PDZRN3: variants seen among roughly 807,000 people sequenced by gnomAD.
PDZRN3 encodes PDZ domain containing ring finger 3.
PDZRN3 carries 38 observed loss-of-function variants against 85.7 expected under a neutral mutation model. That is an observed-to-expected ratio of 0.44 (90% confidence interval 0.34 to 0.58). PDZRN3 has a LOEUF of 0.58. Ranked by LOEUF, PDZRN3 falls within the 20% of genes least tolerant of loss-of-function variation. PDZRN3 has a pLI of 0.01. For synonymous variants in PDZRN3, 759 were observed against 638.0 expected, an observed-to-expected ratio of 1.19 and a Z score of -2.86; for missense variants, 1,629 against 1,506.4, an observed-to-expected ratio of 1.08 and a Z score of -1.35.
At chr3:73,406,231 C>T (rs1701852444) in intron 3 of PDZRN3, among the ~76,000 whole-genome samples, 2 of 152,212 alleles carry the variant, frequency 1.3e-5, no homozygotes, top group South Asian at 4.1e-4. Context: ...TGCCATGTTT[C>T]TCCCTTTGAG....
At chr3:73,484,278 G>A (rs1168042951) in intron 3 of PDZRN3, among the ~76,000 whole-genome samples, 1 of 152,298 alleles carries the variant, frequency 6.6e-6, no homozygotes, top group Admixed American at 6.5e-5. Flanking sequence ...TAGGTTTGAG[G>A]TATATTGACA....
At chr3:73,464,140 C>T (rs983199173) in intron 3 of PDZRN3, among the ~76,000 whole-genome samples, 12 of 152,136 alleles carry the variant, frequency 7.9e-5, no homozygotes, top group African/African-American at 2.9e-4. Context: ...CGCACATCAC[C>T]ACACCCAGCT....
chr3:73,599,498 T>C (rs79817111), intron 3 of PDZRN3, among the ~76,000 whole-genome samples: 3,037 of 152,280 alleles, frequency 0.02, 114 homozygotes, highest in African/African-American at 0.07. Context: ...TGGAGATGGA[T>C]GGTGGTACTG....
At chr3:73,573,978 T>C (rs570867470) in intron 3 of PDZRN3, among the ~76,000 whole-genome samples, 2 of 152,300 alleles carry the variant, frequency 1.3e-5, no homozygotes, top group Non-Finnish European at 2.9e-5. Context: ...CCTTGCCATA[T>C]ATGCAAACTT....
At position 73,388,057 on chromosome 3, in the gene PDZRN3, C is replaced by G. The variant is rs1205980093; in HGVS notation, c.1429G>C (p.Glu477Gln). Residue 477 changes from glutamate to glutamine, a missense_variant, in exon 8 of 10, where the codon GAG (glutamate) becomes CAG (glutamine). Transcript: ENST00000263666. ...GDRIIQINGI[E>Q]VQNREEAVAL... ...ACAGCCTCTTCACGGTTCTGCACCT[C>G]TATCCCATTAATCTTTTAAAAAAAA... 1 of 1,166,308 alleles carries G rather than the reference C, an allele frequency of 8.6e-7. No homozygotes were observed. The highest frequency in any genetic ancestry group is 1.2e-6 in the Non-Finnish European group (1 of 834,070). The allele number at this position is 1,166,308 out of a possible 1,614,324, so 72.2% of individuals were successfully genotyped here. A position where few individuals can be genotyped will look rare whatever the true frequency, so the allele number is the denominator to read the frequency against.
intron 3 of PDZRN3, among the ~76,000 whole-genome samples, chr3:73,462,546 A>AG (rs1474182765): frequency 6.7e-6 from 1 of 149,892 alleles, no homozygotes; most frequent in East Asian, 2.0e-4. Flanking sequence ...CCGTCTCAAA[A>AG]AAAAAAAAAA....
At chr3:73,458,660 T>A (rs1388672116) in intron 3 of PDZRN3, among the ~76,000 whole-genome samples, 1 of 150,794 alleles carries the variant, frequency 6.6e-6, no homozygotes, top group Non-Finnish European at 1.5e-5. Flanking sequence ...TTCTCACACC[T>A]CTATGAAGAA....
Position 73,384,763 on chromosome 3 carries a change from C to T in PDZRN3, c.1803G>A (p.Ala601=), listed in dbSNP as rs778163867. 4.3e-6 allele frequency: 7 copies of T among 1,613,946 alleles called. No homozygotes were observed. Among genetic ancestry groups the T allele is most frequent in the Admixed American group, 1.7e-5 (1 of 60,032 alleles). The part of the protein sequence containing the change: ...DDATASSNPL[A]GQRKLTCSQD... ...GGCTGCAGGTGAGCTTCCTCTGCCC[C>T]GCCAGCGGGTTGGAGGATGCGGTGG... Residue 601 remains alanine, a synonymous_variant, in exon 10 of 10, where the codon GCG becomes GCA. Transcript: ENST00000263666.
intron 3 of PDZRN3, among the ~76,000 whole-genome samples, chr3:73,494,876 C>T (rs1264698674): frequency 1.3e-5 from 2 of 152,072 alleles, no homozygotes; most frequent in South Asian, 2.1e-4. Context: ...TTTCCAACAC[C>T]CAATCGAGAA....
At chr3:73,475,839 C>T (rs1178608598) in intron 3 of PDZRN3, among the ~76,000 whole-genome samples, 1 of 152,166 alleles carries the variant, frequency 6.6e-6, no homozygotes, top group South Asian at 2.1e-4. Context: ...GGAGCAAATG[C>T]AAGCGTTTGA....
In PDZRN3 at chr3:73,612,246, C is replaced by T. The variant is rs190661484; in HGVS notation, c.724-3562G>A. ...AAACTGAGGCTCAGGGAAAATCAGA[C>T]ACTTGCTCATGATCACATAGTGGCA... On this transcript the variant is annotated intron_variant, in intron 1 of 9. Transcript: ENST00000263666. Among the ~76,000 whole-genome samples the T allele has an allele frequency of 8.3e-4, 126 of 152,274 alleles. 1 individual carries two copies. The highest frequency in any genetic ancestry group is 2.8e-3 in the Admixed American group (43 of 15,294).
intron 3 of PDZRN3, among the ~76,000 whole-genome samples, chr3:73,445,435 C>T (rs1189194083): frequency 1.3e-5 from 2 of 151,866 alleles, no homozygotes; most frequent in African/African-American, 4.9e-5. Flanking sequence ...GCAAGAAAGA[C>T]ACTTGAGAAA....
At chr3:73,597,938 G>A (rs564473839) in intron 3 of PDZRN3, among the ~76,000 whole-genome samples, 8 of 152,256 alleles carry the variant, frequency 5.3e-5, no homozygotes, top group Admixed American at 4.6e-4. Context: ...GTGATCCAAT[G>A]CTGTGCAAAA....
At chr3:73,575,494 C>T (rs9866965) in intron 3 of PDZRN3, among the ~76,000 whole-genome samples, 33,910 of 152,050 alleles carry the variant, frequency 0.22, 4,028 homozygotes, top group Middle Eastern at 0.32. Flanking sequence ...CAAGTAGAAA[C>T]GCGAGAAACA....
intron 3 of PDZRN3, among the ~76,000 whole-genome samples, chr3:73,454,317 A>G (rs1702935229): frequency 6.6e-6 from 1 of 152,168 alleles, no homozygotes; most frequent in African/African-American, 2.4e-5. Flanking sequence ...AGGGAGAGGA[A>G]GGGGCCTAGC....
At chr3:73,560,319 A>AAGAAACAGAGGCCAGGAAAGAGAG (rs556398248) in intron 3 of PDZRN3, among the ~76,000 whole-genome samples, 111 of 152,306 alleles carry the variant, frequency 7.3e-4, no homozygotes, top group African/African-American at 2.5e-3. Flanking sequence ...TTTACCGATG[A>AAGAAACAGAGGCCAGGAAAGAGAG]AGAAACAGAG....
intron 3 of PDZRN3, among the ~76,000 whole-genome samples, chr3:73,499,081 A>G (rs1036706442): frequency 2.3e-4 from 35 of 152,272 alleles, no homozygotes; most frequent in African/African-American, 8.4e-4. Flanking sequence ...ACCGCACGAA[A>G]GGGATAAACA....
intron 3 of PDZRN3, among the ~76,000 whole-genome samples, chr3:73,551,717 A>G (rs1054981378): frequency 1.3e-5 from 2 of 151,908 alleles, no homozygotes; most frequent in African/African-American, 2.4e-5. Flanking sequence ...AAGGAAAAAA[A>G]GAAACATATA....
chr3:73,402,081 T>C (rs188617419), intron 4 of PDZRN3, among the ~76,000 whole-genome samples: 47 of 152,308 alleles, frequency 3.1e-4, no homozygotes, highest in Admixed American at 2.7e-3. Context: ...ACATTCCCCA[T>C]TCAGTCCCGA....
Sources: gnomAD v4.1 joint callset for allele counts (sites outside exome capture counted in the v4.1 genomes callset) on GRCh38, gnomAD v4.1.1 for gene constraint, MANE v1.5 for transcripts, NCBI Gene and HGNC (gene_info 2026-07-23, HGNC 2026-07-21) for gene names.